ARID5B: variants seen among roughly 807,000 people sequenced by gnomAD.
ARID5B encodes AT-rich interaction domain 5B.
ARID5B carries 13 observed loss-of-function variants against 97.2 expected under a neutral mutation model. The ratio of observed to expected loss-of-function variants is 0.13; its 90% CI spans 0.09 to 0.21. The LOEUF (loss-of-function observed/expected upper bound fraction) is 0.21, where lower values mean the gene tolerates loss of function less well. Among genes scored for constraint, ARID5B ranks in the 10% least tolerant of loss-of-function variants. ARID5B has a pLI of 1.00. For missense variants in ARID5B, 1,210 were observed against 1,465.3 expected, an observed-to-expected ratio of 0.83 and a Z score of 2.84; for synonymous variants, 556 against 570.3, an observed-to-expected ratio of 0.97 and a Z score of 0.36.
At chr10:62,041,558 C>G (rs1355435787) in intron 4 of ARID5B, among the ~76,000 whole-genome samples, 2 of 152,208 alleles carry the variant, frequency 1.3e-5, no homozygotes, top group Non-Finnish European at 1.5e-5. Flanking sequence ...GAGCCTATCA[C>G]TTGATAACTG....
chr10:62,004,553 C>T (rs1248778809), intron 4 of ARID5B, among the ~76,000 whole-genome samples: 1 of 152,136 alleles, frequency 6.6e-6, no homozygotes, highest in Non-Finnish European at 1.5e-5. Flanking sequence ...CTGCCTCCAC[C>T]GTCCTGTTAG....
At chr10:62,041,633 A>G (rs1839638996) in intron 4 of ARID5B, among the ~76,000 whole-genome samples, 1 of 152,220 alleles carries the variant, frequency 6.6e-6, no homozygotes, top group Admixed American at 6.5e-5. Context: ...CAAGTATGTC[A>G]TAAGTTAAAT....
At chr10:62,006,875 T>A (rs1407444651) in intron 4 of ARID5B, among the ~76,000 whole-genome samples, 1 of 152,156 alleles carries the variant, frequency 6.6e-6, no homozygotes, top group Non-Finnish European at 1.5e-5. Context: ...TGTAGCTGAG[T>A]GGGCTCAATG....
At chr10:61,903,711 T>A (rs2132749097) in intron 2 of ARID5B, among the ~76,000 whole-genome samples, 1 of 152,292 alleles carries the variant, frequency 6.6e-6, no homozygotes, top group Non-Finnish European at 1.5e-5. Flanking sequence ...TGCCAGTCCT[T>A]CCAGAATTCC....
chr10:61,997,959 A>AAG (rs1839024203), intron 3 of ARID5B, among the ~76,000 whole-genome samples: 1 of 152,204 alleles, frequency 6.6e-6, no homozygotes, highest in Non-Finnish European at 1.5e-5. Context: ...GACATATATC[A>AAG]GCATCTCAAA....
intron 3 of ARID5B, among the ~76,000 whole-genome samples, chr10:61,977,931 G>A (rs1397061208): frequency 6.6e-6 from 1 of 152,192 alleles, no homozygotes; most frequent in Non-Finnish European, 1.5e-5. Flanking sequence ...TGAAGTCCTT[G>A]CCCATGCCTG....
chr10:61,952,930 T>A (rs1838342780), intron 3 of ARID5B, among the ~76,000 whole-genome samples: 1 of 152,120 alleles, frequency 6.6e-6, no homozygotes, highest in Non-Finnish European at 1.5e-5. Flanking sequence ...ATCTTCTTCG[T>A]GTTTCAGGGT....
At chr10:61,903,438 T>C (rs1322711557) in intron 2 of ARID5B, among the ~76,000 whole-genome samples, 1 of 152,134 alleles carries the variant, frequency 6.6e-6, no homozygotes, top group African/African-American at 2.4e-5. Flanking sequence ...GCTCCCCTCC[T>C]CAGCTGACCG....
chr10:62,010,005 C>G lies in ARID5B; in HGVS notation c.733+9684C>G, dbSNP rs77486704. On this transcript the variant is annotated intron_variant, in intron 4 of 9. Transcript: ENST00000279873. ...CTGCACAGACAAAAAGCAGCCTCCA[C>G]AAGCAAAAACTCTTTTTCTTTTCCT... Among the ~76,000 whole-genome samples, 296 of 152,308 alleles carry G rather than the reference C, an allele frequency of 1.9e-3. 13 individuals carry two copies. The East Asian group carries it at 0.045, about 23-fold the overall frequency.
At chr10:61,993,078 T>G (rs887448893) in intron 3 of ARID5B, among the ~76,000 whole-genome samples, 3 of 151,936 alleles carry the variant, frequency 2.0e-5, no homozygotes, top group Non-Finnish European at 4.4e-5. Context: ...ACTCCTTGTT[T>G]TGGCATGCCT....
chr10:61,998,077 T>G (rs906408577), intron 3 of ARID5B, among the ~76,000 whole-genome samples: 4 of 152,200 alleles, frequency 2.6e-5, no homozygotes, highest in African/African-American at 9.6e-5. Flanking sequence ...GTTGAAGACG[T>G]GTACACTGTT....
At chr10:61,938,002 A>G (rs903185331) in intron 2 of ARID5B, among the ~76,000 whole-genome samples, 1 of 152,208 alleles carries the variant, frequency 6.6e-6, no homozygotes, top group African/African-American at 2.4e-5. Flanking sequence ...TGGTTTCACA[A>G]TTAAGCCAAA....
chr10:61,965,551 A>G (rs539329138), intron 3 of ARID5B, among the ~76,000 whole-genome samples: 2 of 152,158 alleles, frequency 1.3e-5, no homozygotes, highest in African/African-American at 2.4e-5. Context: ...TTACTACCAC[A>G]GTATAGTTAT....
At chr10:61,960,944 T>C (rs1464809234) in intron 3 of ARID5B, among the ~76,000 whole-genome samples, 2 of 152,260 alleles carry the variant, frequency 1.3e-5, no homozygotes, top group African/African-American at 4.8e-5. Flanking sequence ...TTTTCTCATC[T>C]GTAAAATGGG....
intron 4 of ARID5B, among the ~76,000 whole-genome samples, chr10:62,044,971 T>G (rs1839687208): frequency 6.6e-6 from 1 of 152,214 alleles, no homozygotes; most frequent in African/African-American, 2.4e-5. Context: ...GTTTTGTGAA[T>G]TTGTAGAAAG....
chr10:61,937,368 G>T (rs1412660745), intron 2 of ARID5B, among the ~76,000 whole-genome samples: 1 of 152,166 alleles, frequency 6.6e-6, no homozygotes, highest in Non-Finnish European at 1.5e-5. Context: ...ACTGGTTTGT[G>T]ACTTCTTGAC....
intron 3 of ARID5B, among the ~76,000 whole-genome samples, chr10:61,998,042 G>A (rs1839025508): frequency 6.6e-6 from 1 of 152,168 alleles, no homozygotes; most frequent in African/African-American, 2.4e-5. Context: ...AGCTGACAAA[G>A]CAGCTATACA....
rs183982937 is a variant in ARID5B at position 61,946,152 on chromosome 10, T to A, written c.502+5744T>A. Among the ~76,000 whole-genome samples the A allele has an allele frequency of 2.7e-3, 414 of 151,662 alleles. 2 individuals are homozygous for A. Among genetic ancestry groups the A allele is most frequent in the Admixed American group, 5.8e-3 (89 of 15,230 alleles). On this transcript the variant is annotated intron_variant, in intron 3 of 9. Transcript: ENST00000279873. Reference sequence around the variant, plus strand: ...AATAAACTGAGCCATAAGTGGCCAGTTGTATAGGATATCTCAAATACTCTT... The same window carrying A: ...AATAAACTGAGCCATAAGTGGCCAGATGTATAGGATATCTCAAATACTCTT...
chr10:61,984,580 G>A (rs1838821344), intron 3 of ARID5B, among the ~76,000 whole-genome samples: 1 of 152,194 alleles, frequency 6.6e-6, no homozygotes, highest in African/African-American at 2.4e-5. Flanking sequence ...TCAGTCAGCT[G>A]AGTGAAAGGA....
Sources: gnomAD v4.1 joint callset for allele counts (sites outside exome capture counted in the v4.1 genomes callset) on GRCh38, gnomAD v4.1.1 for gene constraint, MANE v1.5 for transcripts, NCBI Gene and HGNC (gene_info 2026-07-23, HGNC 2026-07-21) for gene names.